The following SORCS1 variants were observed in gnomAD, a reference collection of about 807,000 sequenced individuals.
SORCS1 encodes the protein sortilin related VPS10 domain containing receptor 1, also known as VPS10 domain-containing receptor SorCS1.
SORCS1 carries 60 observed loss-of-function variants against 146.1 expected under a neutral mutation model. The ratio of observed to expected loss-of-function variants is 0.41; its 90% confidence interval spans 0.33 to 0.51. SORCS1 has a LOEUF of 0.51. SORCS1 is among the 20% of genes least tolerant of loss of function. The pLI is 0.21. For synonymous variants in SORCS1, 637 were observed against 584.0 expected (o/e 1.09, Z -1.31); for missense variants, 1,352 against 1,487.6 (o/e 0.91, Z 1.50).
chr10:106,879,089 G>T (rs1950716669), intron 2 of SORCS1, among the ~76,000 whole-genome samples: 1 of 150,818 alleles, frequency 6.6e-6, no homozygotes, highest in South Asian at 2.1e-4. Context: ...GGCAGAGCTT[G>T]CAGTGAGCCA....
At chr10:107,171,956 T>C in the SORCS1 span, among the ~76,000 whole-genome samples, 1 of 152,226 alleles carries the variant, frequency 6.6e-6, no homozygotes, top group Non-Finnish European at 1.5e-5. Flanking sequence ...ACCTGCTCAG[T>C]TACTATCATC....
At chr10:106,694,689 C>A (rs1292130357) in intron 9 of SORCS1, among the ~76,000 whole-genome samples, 2 of 152,178 alleles carry the variant, frequency 1.3e-5, no homozygotes, top group African/African-American at 4.8e-5. Flanking sequence ...GTTGAGTTTT[C>A]TCTTTTAAAG....
intron 2 of SORCS1, among the ~76,000 whole-genome samples, chr10:106,882,056 T>A (rs1031021551): frequency 1.3e-5 from 2 of 152,204 alleles, no homozygotes; most frequent in Admixed American, 1.3e-4. Context: ...CAGTTGCTTC[T>A]GAGTTATTAT....
rs2033020229 is a variant in SORCS1 at position 106,960,404 on chromosome 10, T to C, written c.559-3824A>G. Among the ~76,000 whole-genome samples, 1 of 148,696 alleles carries C rather than the reference T, an allele frequency of 6.7e-6. No homozygotes were observed. The highest frequency in any genetic ancestry group is 1.5e-5 in the Non-Finnish European group (1 of 67,960). ...ACTTGGTCCATACGTTTTCTCTTTT[T>C]CTTTTTCTTTTTTTTTTTTGAGATG... On this transcript the variant is annotated intron_variant, in intron 1 of 25. Coordinates refer to ENST00000263054, the MANE Select transcript of SORCS1 (RefSeq NM_052918.5). This position sits in a 1 kb window ranked among gnomAD's most constrained non-coding sequence, Gnocchi z 4.4.
chr10:106,601,428 A>G (rs988697982), intron 23 of SORCS1, among the ~76,000 whole-genome samples: 2 of 152,224 alleles, frequency 1.3e-5, no homozygotes, highest in Non-Finnish European at 2.9e-5. Context: ...TTGGTGGAAT[A>G]TGCCTATTAT....
At chr10:107,047,835 C>T (rs1959658487) in intron 1 of SORCS1, among the ~76,000 whole-genome samples, 1 of 152,118 alleles carries the variant, frequency 6.6e-6, no homozygotes, top group Admixed American at 6.5e-5. Flanking sequence ...AATCCCAGCA[C>T]TTTGGGAGGC....
intron 1 of SORCS1, among the ~76,000 whole-genome samples, chr10:107,143,349 T>C (rs1968004510): frequency 6.6e-6 from 1 of 152,160 alleles, no homozygotes; most frequent in Admixed American, 6.5e-5. Context: ...TGTTTTTGAG[T>C]CAGGGTCTGG....
chr10:106,677,170 G>A, intron 13 of SORCS1, 143 bp downstream of exon 13: 1 of 715,452 alleles, frequency 1.4e-6, no homozygotes, highest in Non-Finnish European at 2.4e-6. Flanking sequence ...TGTGTGGAGA[G>A]TAACAGGACC....
At chr10:106,613,187 T>C (rs1478727113) in intron 21 of SORCS1, among the ~76,000 whole-genome samples, 1 of 152,212 alleles carries the variant, frequency 6.6e-6, no homozygotes, top group African/African-American at 2.4e-5. Context: ...TTCAGGGATT[T>C]TCTTCATTGT....
rs185057667 is a variant in SORCS1 at position 106,809,992 on chromosome 10, G to A, written c.726+19582C>T. Reference sequence around the variant, plus strand: ...TCCCAGCATTTCGGAAGGCAGAGGCGGGCGGATCACCTGCGGTCAGGGGTT... The same window carrying A: ...TCCCAGCATTTCGGAAGGCAGAGGCAGGCGGATCACCTGCGGTCAGGGGTT... On this transcript the variant is annotated intron_variant, in intron 3 of 25. Coordinates refer to ENST00000263054, the MANE Select transcript of SORCS1 (RefSeq NM_052918.5). Among the ~76,000 whole-genome samples the A allele has an allele frequency of 6.6e-3, 1,010 of 152,318 alleles. 14 individuals carry two copies. The highest frequency in any genetic ancestry group is 0.02 in the African/African-American group (827 of 41,564).
intron 1 of SORCS1, among the ~76,000 whole-genome samples, chr10:107,085,810 G>T (rs536094318): frequency 1.3e-5 from 2 of 152,280 alleles, no homozygotes; most frequent in East Asian, 1.9e-4. Context: ...TTCTCAAGAA[G>T]AGTAGACAAT....
Position 107,097,693 on chromosome 10 carries a change from G to A in SORCS1, c.558+66276C>T, listed in dbSNP as rs112386039. On this transcript the variant is annotated intron_variant, in intron 1 of 25. Transcript: ENST00000263054. ...CTCCCTGCTATTATGGCTCCCTCTC[G>A]ATTCTGGTCACCAAACTCTCAGCCT... Among the ~76,000 whole-genome samples the A allele has an allele frequency of 9.1e-3, 1,382 of 152,176 alleles. 24 individuals carry two copies. The highest frequency in any genetic ancestry group is 0.03 in the African/African-American group (1,230 of 41,518).
intron 3 of SORCS1, among the ~76,000 whole-genome samples, chr10:106,789,906 C>A (rs1198065577): frequency 1.3e-5 from 2 of 152,168 alleles, no homozygotes; most frequent in African/African-American, 4.8e-5. Context: ...AGGAAACTGA[C>A]AATCATGGCA....
intron 23 of SORCS1, among the ~76,000 whole-genome samples, chr10:106,599,802 G>A (rs1034878457): frequency 6.7e-6 from 1 of 148,720 alleles, no homozygotes; most frequent in Non-Finnish European, 1.5e-5. Context: ...TTGGAGTCTT[G>A]CTCTTGTCGC....
At chr10:107,071,756 C>T (rs767184944) in intron 1 of SORCS1, among the ~76,000 whole-genome samples, 2 of 152,186 alleles carry the variant, frequency 1.3e-5, no homozygotes, top group African/African-American at 4.8e-5. Context: ...ACAGAAACCA[C>T]ATCACTTACT....
intron 21 of SORCS1, among the ~76,000 whole-genome samples, 186 bp downstream of exon 21, chr10:106,617,963 G>A (rs1029988025): frequency 2.0e-5 from 3 of 152,114 alleles, no homozygotes; most frequent in East Asian, 1.9e-4. Flanking sequence ...ATCCCGTGAC[G>A]CTGTTTTACC....
At chr10:107,024,472 A>G (rs968553424) in intron 1 of SORCS1, among the ~76,000 whole-genome samples, 2 of 152,196 alleles carry the variant, frequency 1.3e-5, no homozygotes, top group East Asian at 3.9e-4. Context: ...CATGATCCAG[A>G]TATGTCCCAT....
At chr10:106,720,488 G>A (rs535236331) in intron 6 of SORCS1, among the ~76,000 whole-genome samples, 1 of 151,150 alleles carries the variant, frequency 6.6e-6, no homozygotes, top group Non-Finnish European at 1.5e-5. Flanking sequence ...TATAATGCAT[G>A]ATCCTAGCAT....
At chr10:106,712,593 T>C (rs1483859382) in intron 6 of SORCS1, among the ~76,000 whole-genome samples, 1 of 152,088 alleles carries the variant, frequency 6.6e-6, no homozygotes, top group African/African-American at 2.4e-5. Flanking sequence ...ATCAACTATC[T>C]TGTACTTTAG....
Sources: allele counts gnomAD v4.1 joint callset (sites outside exome capture counted in the v4.1 genomes callset), GRCh38; gene constraint gnomAD v4.1.1; non-coding constraint Gnocchi (gnomAD v3.1); transcripts MANE v1.5; gene names NCBI Gene and HGNC (gene_info 2026-07-23, HGNC 2026-07-21).